CNTNAP2: variants seen among roughly 807,000 people sequenced by gnomAD.
The protein encoded by CNTNAP2 is contactin-associated protein-like 2.
A neutral mutation model predicts 155.2 loss-of-function variants in CNTNAP2; 98 were observed. The observed-to-expected ratio is 0.63, with a 90% CI of 0.54 to 0.75. The LOEUF (loss-of-function observed/expected upper bound fraction) is 0.75, where lower values mean the gene tolerates loss of function less well. Ranked by LOEUF, CNTNAP2 falls within the 30% of genes least tolerant of loss-of-function variation. CNTNAP2 has a pLI of 0.00. For synonymous variants in CNTNAP2, 651 were observed against 631.2 expected (o/e 1.03, Z -0.47); for missense variants, 1,727 against 1,688.1 (o/e 1.02, Z -0.40).
At chr7:146,551,758 C>A (rs118189231) in intron 1 of CNTNAP2, among the ~76,000 whole-genome samples, 1,675 of 152,192 alleles carry the variant, frequency 0.011, 17 homozygotes, top group Non-Finnish European at 0.019. Flanking sequence ...AGCTCCTGAG[C>A]AAGCTTTTGT....
At chr7:147,099,052 G>C (rs1800603726) in intron 4 of CNTNAP2, among the ~76,000 whole-genome samples, 1 of 152,152 alleles carries the variant, frequency 6.6e-6, no homozygotes. Context: ...TGAGGGAACT[G>C]TGGGCAAGGT....
intron 1 of CNTNAP2, among the ~76,000 whole-genome samples, chr7:146,466,085 G>A (rs1452944456): frequency 6.6e-6 from 1 of 152,116 alleles, no homozygotes; most frequent in Non-Finnish European, 1.5e-5. Flanking sequence ...GGGTTCTAAA[G>A]ACTGAGGGAA....
At chr7:147,539,979 C>G (rs191261040) in intron 11 of CNTNAP2, among the ~76,000 whole-genome samples, 12 of 152,300 alleles carry the variant, frequency 7.9e-5, no homozygotes, top group Admixed American at 4.6e-4. Flanking sequence ...TTGATCCTCT[C>G]TATAATTGCT....
intron 21 of CNTNAP2, among the ~76,000 whole-genome samples, chr7:148,338,146 TTGC>T (rs1798154521): frequency 6.6e-6 from 1 of 152,202 alleles, no homozygotes. Flanking sequence ...TCCCGACAGT[TTGC>T]CTTTTCCACA....
chr7:148,181,707 G>A lies in CNTNAP2; in HGVS notation c.3010+9229G>A, dbSNP rs181228300. Among the ~76,000 whole-genome samples the A allele has an allele frequency of 1.2e-3, 153 of 126,104 alleles. 2 individuals are homozygous for A. Among genetic ancestry groups the A allele is most frequent in the Admixed American group, 0.012 (145 of 12,434 alleles). The allele number at this position is 126,104 out of a possible 152,430, so 82.7% of individuals were successfully genotyped here. A position where few individuals can be genotyped will look rare whatever the true frequency, so the allele number is the denominator to read the frequency against. ...AAAGTGTTCGGATTTGGCTTTGGTT[G>A]TAGGATAAATAACTTTTGTTTCAAG... On this transcript the variant is annotated intron_variant, in intron 18 of 23. Transcript: ENST00000361727.
chr7:146,870,877 C>A (rs1284496621), intron 3 of CNTNAP2, among the ~76,000 whole-genome samples: 1 of 152,074 alleles, frequency 6.6e-6, no homozygotes, highest in Non-Finnish European at 1.5e-5. Flanking sequence ...GAAACATGAG[C>A]TTTTAAGCTT....
intron 1 of CNTNAP2, among the ~76,000 whole-genome samples, chr7:146,162,148 C>A (rs1358603564): frequency 6.6e-6 from 1 of 152,128 alleles, no homozygotes; most frequent in African/African-American, 2.4e-5. Context: ...CAACAAAAGA[C>A]AAAATTGACA....
chr7:147,712,761 G>A (rs1563061732), intron 13 of CNTNAP2, among the ~76,000 whole-genome samples: 1 of 152,152 alleles, frequency 6.6e-6, no homozygotes, highest in African/African-American at 2.4e-5. Flanking sequence ...GTGGGAGGAG[G>A]GAGGGATAGC....
chr7:148,172,264 C>T lies in CNTNAP2; in HGVS notation c.2796C>T (p.Gly932=), dbSNP rs1444710605. The change falls in exon 18 of 24, where the codon GGC becomes GGT. Residue 932 remains glycine (G), a synonymous_variant. Transcript: ENST00000361727. ...CAGGTGGTGCTGGGGGCCAGCAGGGCTTCCTGGGCTGCATCCGCTCCTTGA... is the reference window on the plus strand; with the variant it reads ...CAGGTGGTGCTGGGGGCCAGCAGGGTTTCCTGGGCTGCATCCGCTCCTTGA... ...LFVGGAGGQQ[G]FLGCIRSLRM... 4 of 1,613,914 alleles carry T rather than the reference C, an allele frequency of 2.5e-6. No homozygotes were observed. Among genetic ancestry groups the T allele is most frequent in the East Asian group, 4.5e-5 (2 of 44,882 alleles).
intron 1 of CNTNAP2, among the ~76,000 whole-genome samples, chr7:146,370,140 C>A (rs1795213478): frequency 6.6e-6 from 1 of 150,694 alleles, no homozygotes; most frequent in Admixed American, 6.6e-5. Flanking sequence ...TTTTTTCTTG[C>A]TGGGCAAGGT....
intron 1 of CNTNAP2, among the ~76,000 whole-genome samples, chr7:146,759,740 G>T (rs917505244): frequency 6.8e-6 from 1 of 147,772 alleles, no homozygotes. Flanking sequence ...GGGTGTGAGA[G>T]CAAGGTCCCT....
chr7:146,908,340 G>A (rs1796191922), intron 3 of CNTNAP2, among the ~76,000 whole-genome samples: 1 of 149,470 alleles, frequency 6.7e-6, no homozygotes, highest in South Asian at 2.1e-4. Context: ...CAAATCAACA[G>A]AATATACATT....
chr7:148,372,482 T>C (rs917216161), intron 21 of CNTNAP2, among the ~76,000 whole-genome samples: 3 of 151,942 alleles, frequency 2.0e-5, no homozygotes, highest in Non-Finnish European at 4.4e-5. Context: ...CAGAGGAGGG[T>C]AGACCACTTG....
intron 13 of CNTNAP2, among the ~76,000 whole-genome samples, chr7:147,699,698 A>G (rs567796502): frequency 6.6e-6 from 1 of 152,290 alleles, no homozygotes; most frequent in South Asian, 2.1e-4. Context: ...AAGTCACAAA[A>G]TATAACATTA....
chr7:147,531,329 G>A (rs1198859624), intron 11 of CNTNAP2, among the ~76,000 whole-genome samples: 1 of 152,186 alleles, frequency 6.6e-6, no homozygotes, highest in East Asian at 1.9e-4. Context: ...CTTCCTCACT[G>A]CCCTAGCAGA....
rs953406331 is a variant in CNTNAP2 at position 147,186,046 on chromosome 7, C to G, written c.1348+53537C>G. On this transcript the variant is annotated intron_variant, in intron 8 of 23. Coordinates refer to ENST00000361727, the MANE Select transcript of CNTNAP2 (RefSeq NM_014141.6). The stretch of plus-strand genomic sequence containing the variant: ...TTTATAAATCACCCAGTCTCTGGTA[C>G]GTCTTTATTAGCAGTATGAGAACAG... Among the ~76,000 whole-genome samples, 3 of 152,078 alleles carry G rather than the reference C, an allele frequency of 2.0e-5. No individual in the cohort carries two copies. The South Asian group carries it at 6.2e-4, about 32-fold the overall frequency.
chr7:147,061,683 C>A (rs115336745), intron 4 of CNTNAP2, among the ~76,000 whole-genome samples: 7,361 of 150,032 alleles, frequency 0.049, no homozygotes, highest in African/African-American at 0.15. Context: ...GTCTTGGGAA[C>A]TTGAATCAAT....
chr7:147,475,110 C>A (rs1267775927), intron 10 of CNTNAP2, among the ~76,000 whole-genome samples: 1 of 152,120 alleles, frequency 6.6e-6, no homozygotes, highest in Non-Finnish European at 1.5e-5. Context: ...ATTGTACAGA[C>A]TCCCTTAATT....
At chr7:146,858,175 A>G (rs1294362168) in intron 3 of CNTNAP2, among the ~76,000 whole-genome samples, 1 of 152,234 alleles carries the variant, frequency 6.6e-6, no homozygotes, top group Non-Finnish European at 1.5e-5. Flanking sequence ...TGAGGAGGAC[A>G]TGAAGGTTTT....
Sources: allele counts gnomAD v4.1 joint callset (sites outside exome capture counted in the v4.1 genomes callset), GRCh38; gene constraint gnomAD v4.1.1; transcripts MANE v1.5; gene names NCBI Gene and HGNC (gene_info 2026-07-23, HGNC 2026-07-21).